ZFYVE28: variants seen among roughly 807,000 people sequenced by gnomAD.
ZFYVE28 encodes the protein zinc finger FYVE-type containing 28.
Under a neutral mutation model 82.1 loss-of-function variants are expected in ZFYVE28, and 40 were observed. That is an observed-to-expected ratio of 0.49 (90% confidence interval 0.38 to 0.63). The LOEUF is 0.63. Among genes scored for constraint, ZFYVE28 ranks in the 30% least tolerant of loss-of-function variants. The pLI is 0.00. For missense variants in ZFYVE28, 1,321 were observed against 1,242.1 expected (o/e 1.06, Z -0.96); for synonymous variants, 612 against 546.1 (o/e 1.12, Z -1.68).
At chr4:2,393,306 G>A (rs1560329057) in intron 1 of ZFYVE28, among the ~76,000 whole-genome samples, 1 of 152,240 alleles carries the variant, frequency 6.6e-6, no homozygotes, top group Non-Finnish European at 1.5e-5. Flanking sequence ...TCCAATACCT[G>A]AAACATAATG....
At position 2,387,868 on chromosome 4, in the gene ZFYVE28, G is replaced by A. The variant is rs1342887120; in HGVS notation, c.39+30417C>T. On this transcript the variant is annotated intron_variant, in intron 1 of 12. Transcript: ENST00000290974. ...GGGAATGTGGGCTTCACAGCAAGGC[G>A]ATGCCTGGCCAAAGACTGTCGGACA... Among the ~76,000 whole-genome samples the A allele has an allele frequency of 2.6e-5, 4 of 152,342 alleles. No homozygotes were observed. The East Asian group carries it at 5.8e-4, about 22-fold the overall frequency.
At chr4:2,354,396 G>A (rs1346821562) in intron 1 of ZFYVE28, among the ~76,000 whole-genome samples, 2 of 152,060 alleles carry the variant, frequency 1.3e-5, no homozygotes. Flanking sequence ...ACAGAAAAGG[G>A]GCTCTGGGAA....
chr4:2,317,226 G>A (rs751853472), intron 7 of ZFYVE28, among the ~76,000 whole-genome samples: 3 of 152,148 alleles, frequency 2.0e-5, no homozygotes, highest in Non-Finnish European at 4.4e-5. Context: ...GACCTCAGGT[G>A]ATCCGCCCAC....
chr4:2,322,676 T>G (rs987069942), intron 6 of ZFYVE28, among the ~76,000 whole-genome samples: 3 of 152,254 alleles, frequency 2.0e-5, no homozygotes, highest in African/African-American at 4.8e-5. Context: ...CACGGTGCTG[T>G]GCACCCATCA....
intron 6 of ZFYVE28, among the ~76,000 whole-genome samples, chr4:2,331,808 C>T (rs1018289033): frequency 6.6e-6 from 1 of 152,216 alleles, no homozygotes; most frequent in East Asian, 1.9e-4. Flanking sequence ...GGAAGGGTGC[C>T]ACCCAGCACT....
At chr4:2,273,061 G>A (rs991464480) in intron 10 of ZFYVE28, 112 bp downstream of exon 10, 16 of 860,900 alleles carry the variant, frequency 1.9e-5, no homozygotes, top group Middle Eastern at 7.4e-4. Context: ...TTGCTTGGTC[G>A]GGACCCTATC....
rs569297601 is a variant in ZFYVE28 at position 2,292,953 on chromosome 4, G to C, written c.2051+11336C>G. On this transcript the variant is annotated intron_variant, in intron 8 of 12. Coordinates refer to ENST00000290974, the MANE Select transcript of ZFYVE28 (RefSeq NM_020972.3). ...GGCTAATACCTCATGACCATGTACAGTTTGCCCCAGGACTGCAAGGCTGGC... is the reference window on the plus strand; with the variant it reads ...GGCTAATACCTCATGACCATGTACACTTTGCCCCAGGACTGCAAGGCTGGC... 7.2e-4 allele frequency among the ~76,000 whole-genome samples: 109 copies of C among 152,316 alleles called. 4 individuals carry two copies. The South Asian group carries it at 0.022, about 31-fold the overall frequency.
chr4:2,413,782 G>A (rs947958540), intron 1 of ZFYVE28, among the ~76,000 whole-genome samples: 5 of 152,224 alleles, frequency 3.3e-5, no homozygotes, highest in Admixed American at 2.6e-4. Flanking sequence ...TGTAGGGACA[G>A]CCATTCGTTT....
intron 7 of ZFYVE28, 102 bp from the exon 8 acceptor site, chr4:2,305,638 AAC>A: frequency 7.2e-7 from 1 of 1,388,346 alleles, no homozygotes; most frequent in Non-Finnish European, 9.9e-7. Context: ...CCAGCAGAAC[AAC>A]AGCCAGGCAC....
intron 1 of ZFYVE28, among the ~76,000 whole-genome samples, chr4:2,365,617 G>C (rs1033378711): frequency 3.9e-5 from 6 of 152,120 alleles, no homozygotes; most frequent in Non-Finnish European, 8.8e-5. Context: ...AAAGGCTCCC[G>C]CTCCGGCCTG....
At chr4:2,379,850 C>A (rs543642595) in intron 1 of ZFYVE28, among the ~76,000 whole-genome samples, 131 of 152,074 alleles carry the variant, frequency 8.6e-4, no homozygotes, top group African/African-American at 3.0e-3. Context: ...TGCAGTCGCA[C>A]AATCTCAGCT....
At chr4:2,371,518 G>A (rs1234967444) in intron 1 of ZFYVE28, among the ~76,000 whole-genome samples, 1 of 152,126 alleles carries the variant, frequency 6.6e-6, no homozygotes, top group Non-Finnish European at 1.5e-5. Flanking sequence ...ATTATGAGAG[G>A]AAAAATATTG....
chr4:2,275,455 T>A (rs1376939655), intron 8 of ZFYVE28, among the ~76,000 whole-genome samples: 1 of 152,268 alleles, frequency 6.6e-6, no homozygotes, highest in East Asian at 1.9e-4. Flanking sequence ...TATCAAGTTT[T>A]AAATTTACTG....
Position 2,339,702 on chromosome 4 carries a change from C to A in ZFYVE28, c.319-47G>T. ...GGGAGGGGCCCGGGTGAGGGCCAGG[C>A]TCTCAGGGGTCGCCGACCCGGGGAA... is the stretch of plus-strand genomic sequence containing the variant. On this transcript the variant is annotated intron_variant, in intron 3 of 12. Coordinates refer to ENST00000290974, the MANE Select transcript of ZFYVE28 (RefSeq NM_020972.3). This position sits in a 1 kb window ranked among gnomAD's most constrained non-coding sequence, Gnocchi z 5.0. 1.3e-6 allele frequency: 2 copies of A among 1,528,654 alleles called. No homozygotes were observed. The highest frequency in any genetic ancestry group is 1.2e-5 in the South Asian group (1 of 83,138). 94.7% of individuals were successfully genotyped at this position (1,528,654 alleles called of 1,614,324 possible).
intron 8 of ZFYVE28, among the ~76,000 whole-genome samples, chr4:2,289,271 C>A (rs1279776693): frequency 6.6e-6 from 1 of 152,202 alleles, no homozygotes; most frequent in East Asian, 1.9e-4. Context: ...GACAGTAAGA[C>A]CCTGCCTCAA....
Position 2,416,370 on chromosome 4 carries a change from G to A in ZFYVE28, c.39+1915C>T, listed in dbSNP as rs933754622. ...GGCCTCTTCCACAGCCACGTCCGGA[G>A]GGGCATCCCCTAGTGTCCCAGCAAG... On this transcript the variant is annotated intron_variant, in intron 1 of 12. Transcript: ENST00000290974. This position sits in a 1 kb window ranked among gnomAD's most constrained non-coding sequence, Gnocchi z 4.6. Among the ~76,000 whole-genome samples, 1 of 152,202 alleles carries A rather than the reference G, an allele frequency of 6.6e-6. No individual in the cohort carries two copies. Among genetic ancestry groups the A allele is most frequent in the African/African-American group, 2.4e-5 (1 of 41,446 alleles).
chr4:2,393,976 C>T (rs969169932), intron 1 of ZFYVE28, among the ~76,000 whole-genome samples: 11 of 152,212 alleles, frequency 7.2e-5, no homozygotes, highest in African/African-American at 1.9e-4. Context: ...TCAGCAGGAC[C>T]GCGTGCCTTC....
rs547287402 is a variant in ZFYVE28 at position 2,321,825 on chromosome 4, G to A, written c.702-1554C>T. On this transcript the variant is annotated intron_variant, in intron 6 of 12. Coordinates refer to ENST00000290974, the MANE Select transcript of ZFYVE28 (RefSeq NM_020972.3). ...CAACGTCTGCCCCTCTGGAAACCTC[G>A]CTCCTGCCTGTGCCGGGCAGCAGCG... 3.0e-4 allele frequency among the ~76,000 whole-genome samples: 45 copies of A among 152,186 alleles called. No homozygotes were observed. In the East Asian group the frequency reaches 7.0e-3, roughly 24 times the overall value.
At chr4:2,366,969 C>G (rs1205546213) in intron 1 of ZFYVE28, among the ~76,000 whole-genome samples, 2 of 152,214 alleles carry the variant, frequency 1.3e-5, no homozygotes. Flanking sequence ...TCTAGCAAAG[C>G]GTTTTCAAAG....
Sources: gnomAD v4.1 joint callset for allele counts (sites outside exome capture counted in the v4.1 genomes callset) on GRCh38, gnomAD v4.1.1 for gene constraint, Gnocchi (gnomAD v3.1) non-coding constraint, MANE v1.5 for transcripts, NCBI Gene and HGNC (gene_info 2026-07-23, HGNC 2026-07-21) for gene names.